The following CDH13 variants were observed in gnomAD, a reference collection of about 807,000 sequenced individuals.
CDH13 encodes cadherin-13.
In CDH13, 24 loss-of-function variants were observed where a neutral mutation model predicts 63.8. The observed-to-expected ratio is 0.38, with a 90% confidence interval of 0.27 to 0.53. CDH13 has a LOEUF of 0.53. Among genes scored for constraint, CDH13 ranks in the 20% least tolerant of loss-of-function variants. The pLI, the probability that CDH13 is intolerant of heterozygous loss-of-function variation, is 0.85. For synonymous variants in CDH13, 503 were observed against 355.3 expected, an observed-to-expected ratio of 1.42 and a Z score of -4.67; for missense variants, 1,049 against 903.1, an observed-to-expected ratio of 1.16 and a Z score of -2.07.
At chr16:83,219,161 C>T (rs1472494707) in intron 5 of CDH13, among the ~76,000 whole-genome samples, 7 of 152,144 alleles carry the variant, frequency 4.6e-5, no homozygotes, top group Admixed American at 3.9e-4. Context: ...ACACTCTTAC[C>T]CTCCCTGATC....
chr16:82,914,597 G>C (rs2041928390), intron 2 of CDH13, among the ~76,000 whole-genome samples: 1 of 152,182 alleles, frequency 6.6e-6, no homozygotes, highest in Non-Finnish European at 1.5e-5. Flanking sequence ...AAAAGGTAAA[G>C]AGAAAAGAAA....
intron 6 of CDH13, among the ~76,000 whole-genome samples, chr16:83,382,080 AG>A (rs2091578509): frequency 6.6e-6 from 1 of 152,144 alleles, no homozygotes; most frequent in Non-Finnish European, 1.5e-5. Context: ...CAACTCTACC[AG>A]CTACTTATTG....
intron 4 of CDH13, among the ~76,000 whole-genome samples, chr16:83,172,611 A>G (rs961334188): frequency 6.6e-6 from 1 of 152,084 alleles, no homozygotes; most frequent in Non-Finnish European, 1.5e-5. Context: ...ATGAGAAGCT[A>G]GGAGACAGGC....
At chr16:83,327,478 A>C (rs187991115) in intron 5 of CDH13, among the ~76,000 whole-genome samples, 1 of 152,320 alleles carries the variant, frequency 6.6e-6, no homozygotes, top group Admixed American at 6.5e-5. Flanking sequence ...GCCCTTAGCT[A>C]ATTCATTGTT....
At chr16:83,420,786 C>A (rs1418330686) in intron 6 of CDH13, among the ~76,000 whole-genome samples, 1 of 152,176 alleles carries the variant, frequency 6.6e-6, no homozygotes, top group Non-Finnish European at 1.5e-5. Flanking sequence ...AACAATGCAA[C>A]CTTCAGTCTG....
intron 1 of CDH13, among the ~76,000 whole-genome samples, chr16:82,811,934 G>C (rs527659695): frequency 2.3e-4 from 35 of 152,236 alleles, no homozygotes; most frequent in African/African-American, 8.2e-4. Context: ...AGTGCCTTTT[G>C]AGTATCATGG....
At chr16:83,139,497 G>T (rs539411237) in intron 4 of CDH13, among the ~76,000 whole-genome samples, 4 of 152,112 alleles carry the variant, frequency 2.6e-5, no homozygotes, top group African/African-American at 9.7e-5. Context: ...CACAGGCTCT[G>T]TGTTGCTCAA....
intron 1 of CDH13, among the ~76,000 whole-genome samples, chr16:82,700,937 T>C (rs1160521265): frequency 8.2e-6 from 1 of 122,310 alleles, no homozygotes; most frequent in Non-Finnish European, 1.6e-5. Context: ...ACGTGCACCA[T>C]TGTAAGTGCT....
chr16:83,015,813 A>G (rs995487662), intron 2 of CDH13, among the ~76,000 whole-genome samples: 124 of 149,938 alleles, frequency 8.3e-4, no homozygotes, highest in African/African-American at 2.9e-3. Context: ...GGGGCTGTCT[A>G]TAATCACAGT....
In CDH13 at chr16:83,107,687, G is replaced by T. The variant is rs188840616; in HGVS notation, c.367-17698G>T. ...AGACAGCTGAATTCTCTTTCTCTCT[G>T]TGTATTGATTCTGGAGCATTTGCGT... is the stretch of plus-strand genomic sequence containing the variant. On this transcript the variant is annotated intron_variant, in intron 3 of 13. Coordinates refer to ENST00000567109, the MANE Select transcript of CDH13 (RefSeq NM_001257.5). Among the ~76,000 whole-genome samples the T allele has an allele frequency of 7.5e-4, 113 of 151,088 alleles. 1 individual carries two copies. The highest frequency in any genetic ancestry group is 2.4e-3 in the African/African-American group (99 of 41,168).
chr16:83,329,452 G>T (rs553843046), intron 5 of CDH13, among the ~76,000 whole-genome samples: 1 of 151,410 alleles, frequency 6.6e-6, no homozygotes, highest in Admixed American at 6.6e-5. Flanking sequence ...GGCGAGGCTG[G>T]TCTCGAACTC....
At chr16:83,669,818 A>G (rs1914342841) in intron 8 of CDH13, among the ~76,000 whole-genome samples, 1 of 152,176 alleles carries the variant, frequency 6.6e-6, no homozygotes, top group African/African-American at 2.4e-5. Flanking sequence ...TGAAATTCCA[A>G]GATATTTCTT....
chr16:83,001,611 T>C (rs1435740054), intron 2 of CDH13, among the ~76,000 whole-genome samples: 2 of 152,224 alleles, frequency 1.3e-5, no homozygotes, highest in African/African-American at 4.8e-5. Flanking sequence ...TAAGGAGTTA[T>C]CTGGCAGCCA....
At chr16:83,703,189 A>T (rs1050481611) in intron 10 of CDH13, among the ~76,000 whole-genome samples, 2 of 152,228 alleles carry the variant, frequency 1.3e-5, no homozygotes, top group African/African-American at 4.8e-5. Flanking sequence ...TAAACTTTCT[A>T]AAAGACACGC....
intron 10 of CDH13, among the ~76,000 whole-genome samples, chr16:83,723,363 T>C (rs1332022240): frequency 6.6e-6 from 1 of 152,266 alleles, no homozygotes; most frequent in Non-Finnish European, 1.5e-5. Flanking sequence ...ACTAAAGGGC[T>C]GAGCCAAGAT....
At chr16:83,673,766 G>C (rs1039503825) in intron 9 of CDH13, among the ~76,000 whole-genome samples, 1 of 152,200 alleles carries the variant, frequency 6.6e-6, no homozygotes, top group South Asian at 2.1e-4. Flanking sequence ...GAATATGAGA[G>C]AGAGGTGTGC....
chr16:83,795,870 G>C lies in CDH13; in HGVS notation c.*840G>C, dbSNP rs1303764355. 4 of 152,640 alleles carry C rather than the reference G, an allele frequency of 2.6e-5. No homozygotes were observed. The highest frequency in any genetic ancestry group is 3.2e-3 in the Middle Eastern group (1 of 316). The allele number at this position is 152,640 out of a possible 1,614,324, so 9.5% of individuals were successfully genotyped here. A position where few individuals can be genotyped will look rare whatever the true frequency, so the allele number is the denominator to read the frequency against. On this transcript the variant is annotated 3_prime_UTR_variant, in exon 14 of 14. Coordinates refer to ENST00000567109, the MANE Select transcript of CDH13 (RefSeq NM_001257.5). ...TCGTACTGATTCTAATGGGGACACA[G>C]ATCATGGTAGAGAATCTCTCCCTCC...
intron 1 of CDH13, among the ~76,000 whole-genome samples, chr16:82,768,978 G>T (rs1350482346): frequency 6.6e-6 from 1 of 152,100 alleles, no homozygotes; most frequent in Non-Finnish European, 1.5e-5. Context: ...CATTGTAATG[G>T]CATCTCTCTG....
chr16:83,028,286 A>C (rs1427501436), intron 2 of CDH13, among the ~76,000 whole-genome samples: 1 of 152,240 alleles, frequency 6.6e-6, no homozygotes, highest in African/African-American at 2.4e-5. Flanking sequence ...GAAACTAAGC[A>C]TGTTCAATTC....
Sources: allele counts gnomAD v4.1 joint callset (sites outside exome capture counted in the v4.1 genomes callset), GRCh38; gene constraint gnomAD v4.1.1; transcripts MANE v1.5; gene names NCBI Gene and HGNC (gene_info 2026-07-23, HGNC 2026-07-21).